MDN1: variants seen among roughly 807,000 people sequenced by gnomAD.
MDN1 encodes midasin.
MDN1 carries 266 observed loss-of-function variants against 669.2 expected under a neutral mutation model. The observed-to-expected ratio is 0.40, with a 90% CI of 0.36 to 0.44. The LOEUF is 0.44. Among genes scored for constraint, MDN1 ranks in the 20% least tolerant of loss-of-function variants. MDN1 has a pLI of 1.00. For synonymous variants in MDN1, 2,385 were observed against 2,457.1 expected (o/e 0.97, Z 0.87); for missense variants, 5,940 against 6,754.0 (o/e 0.88, Z 4.22).
intron 99 of MDN1, among the ~76,000 whole-genome samples, 168 bp from the exon 100 acceptor site, chr6:89,646,771 G>T (rs1384120962): frequency 6.6e-6 from 1 of 152,076 alleles, no homozygotes; most frequent in Non-Finnish European, 1.5e-5. Context: ...AAAAAAGGAG[G>T]ATCCTTGGAT....
chr6:89,756,681 G>C (rs970887998), intron 19 of MDN1, among the ~76,000 whole-genome samples: 9 of 152,190 alleles, frequency 5.9e-5, no homozygotes, highest in African/African-American at 2.2e-4. Context: ...CCAGCACTTT[G>C]GGAGGCCGAG....
At chr6:89,721,415 CGTGGATG>C (rs1814814639) in intron 40 of MDN1, among the ~76,000 whole-genome samples, 1 of 152,150 alleles carries the variant, frequency 6.6e-6, no homozygotes, top group African/African-American at 2.4e-5. Context: ...CGTTTTTATC[CGTGGATG>C]GCTTGCTTGG....
At position 89,677,643 on chromosome 6, in the gene MDN1, T is replaced by G; in HGVS notation, c.12466A>C (p.Met4156Leu). ...AWARSKNPQE[M>L]LHLHPLDLQS... Reference sequence around the variant, plus strand: ...AGATCTAATGGGTGAAGATGAAGCATCTCTTGAGGGTTTTTTGAACGGGCC... The same window carrying G: ...AGATCTAATGGGTGAAGATGAAGCAGCTCTTGAGGGTTTTTTGAACGGGCC... Residue 4156 changes from methionine to leucine, a missense_variant, in exon 76 of 102, where the codon ATG becomes CTG. By Grantham distance (15) the Met-to-Leu change is conservative. Around this residue, in one of 5 missense-constraint regions of MDN1, gnomAD observed 2,280 missense variants for 2,576.3 expected, o/e 0.88. Transcript: ENST00000369393. 6.2e-7 allele frequency: 1 copy of G among 1,614,076 alleles called. No homozygotes were observed.
chr6:89,678,638 G>A lies in MDN1; in HGVS notation c.12373C>T (p.Arg4125Ter), dbSNP rs1322121108. The A allele has an allele frequency of 1.2e-6, 2 of 1,613,988 alleles. No homozygotes were observed. The highest frequency in any genetic ancestry group is 1.3e-5 in the African/African-American group (1 of 74,934). The change falls in exon 75 of 102, where the codon CGA becomes TGA. Residue 4125 changes from arginine (R) to a stop codon, truncating the protein, a stop_gained. Transcript: ENST00000369393. LOFTEE classifies it high-confidence loss of function. The part of the protein sequence containing the change: ...EAKHILMQKQ[R>*]ALSDLFKHLA... ...TGTTTAAAGAGGTCTGACAAAGCTC[G>A]CTGTTTTTGCATGAGAATGTGCTTG... is the stretch of plus-strand genomic sequence containing the variant.
chr6:89,671,061 G>C lies in MDN1; in HGVS notation c.13814C>G (p.Ser4605Cys), dbSNP rs774717252. The change falls in exon 83 of 102, where the codon TCC becomes TGC. Residue 4605 changes from serine (S) to cysteine (C), a missense_variant. This residue lies in a region of MDN1 where 2,280 missense variants were observed against 2,576.3 expected (regional missense o/e 0.88). Coordinates refer to ENST00000369393, the MANE Select transcript of MDN1 (RefSeq NM_014611.3). The stretch of plus-strand genomic sequence containing the variant: ...GACCGGCACCAGGCGCACCAGCAAG[G>C]AACAGGATTGGCTGAAGAACTGAGA... ...AKHLFFSQSC[S>C]LLVRLVPVLS... 1 of 1,613,976 alleles carries C rather than the reference G, an allele frequency of 6.2e-7. No homozygotes were observed.
At chr6:89,704,414 T>C (rs1322211789) in intron 53 of MDN1, among the ~76,000 whole-genome samples, 2 of 152,230 alleles carry the variant, frequency 1.3e-5, no homozygotes, top group Admixed American at 6.5e-5. Context: ...GTTTGATGAC[T>C]TCCTGGTAAC....
At position 89,654,183 on chromosome 6, in the gene MDN1, C is replaced by T. The variant is rs767530706; in HGVS notation, c.15642G>A (p.Ser5214=). 31 of 1,614,058 alleles carry T rather than the reference C, an allele frequency of 1.9e-5. No individual in the cohort carries two copies. In the East Asian group the frequency reaches 2.0e-4, roughly 10 times the overall value. Residue 5214 remains serine, a synonymous_variant, in exon 93 of 102, where the codon TCG becomes TCA. Coordinates refer to ENST00000369393, the MANE Select transcript of MDN1 (RefSeq NM_014611.3). ...ACTCACCCAAGGGTGCTGTGGTGCCCGACTTGATTTCCTCTGGCTTCAGCT... is the reference window on the plus strand; with the variant it reads ...ACTCACCCAAGGGTGCTGTGGTGCCTGACTTGATTTCCTCTGGCTTCAGCT... ...VEQLKPEEIK[S]GTTAPLGFDE...
At chr6:89,667,478 C>A (rs1370996804) in intron 84 of MDN1, among the ~76,000 whole-genome samples, 1 of 152,124 alleles carries the variant, frequency 6.6e-6, no homozygotes, top group Non-Finnish European at 1.5e-5. Context: ...ACACCCAATA[C>A]ACATAAATCA....
At chr6:89,793,338 C>A (rs540691164) in intron 5 of MDN1, among the ~76,000 whole-genome samples, 76 of 152,280 alleles carry the variant, frequency 5.0e-4, no homozygotes, top group African/African-American at 1.8e-3. Context: ...GTTTTTGCAG[C>A]AAGCAAACAA....
intron 33 of MDN1, among the ~76,000 whole-genome samples, chr6:89,734,113 C>T (rs1404051120): frequency 6.6e-6 from 1 of 151,844 alleles, no homozygotes; most frequent in Non-Finnish European, 1.5e-5. Flanking sequence ...GGTGAAACCC[C>T]GTCTCTACTA....
At chr6:89,776,335 C>T (rs187526942) in intron 12 of MDN1, among the ~76,000 whole-genome samples, 1 of 152,238 alleles carries the variant, frequency 6.6e-6, no homozygotes, top group Admixed American at 6.5e-5. Context: ...GTGGCACATG[C>T]CTGTAATCCC....
chr6:89,723,139 T>A lies in MDN1; in HGVS notation c.5783A>T (p.Asp1928Val). The change falls in exon 40 of 102, where the codon GAT becomes GTT. Residue 1928 changes from aspartate to valine, a missense_variant. Asp to Val is a radical substitution (Grantham distance 152, BLOSUM62 -3). Coordinates refer to ENST00000369393, the MANE Select transcript of MDN1 (RefSeq NM_014611.3). ...KKMVAFNNQIDHEVTVEKKWG... is the reference protein window; with the variant it reads ...KKMVAFNNQIVHEVTVEKKWG... ...TTTCTTCTCAACAGTCACTTCATGA[T>A]CAATCTAGAAAGAAAACATCCTGAT... 1 of 1,613,902 alleles carries A rather than the reference T, an allele frequency of 6.2e-7. No individual in the cohort carries two copies. The highest frequency in any genetic ancestry group is 8.5e-7 in the Non-Finnish European group (1 of 1,179,878).
At chr6:89,815,203 G>C (rs1245895102) in intron 1 of MDN1, 4 of 385,914 alleles carry the variant, frequency 1.0e-5, no homozygotes, top group Non-Finnish European at 2.0e-5. Flanking sequence ...CGGCAGTGGA[G>C]GCGGGAGACT....
At chr6:89,661,911 C>A (rs1809795550) in intron 87 of MDN1, among the ~76,000 whole-genome samples, 176 bp downstream of exon 87, 1 of 152,144 alleles carries the variant, frequency 6.6e-6, no homozygotes, top group Admixed American at 6.6e-5. Context: ...TGTCAGGAAC[C>A]AACAGTTATA....
rs747059677 is a variant in MDN1, at chr6:89,696,413, G to A, written c.9330C>T (p.Asp3110=). 3.1e-6 allele frequency: 5 copies of A among 1,614,164 alleles called. No individual in the cohort carries two copies. In the East Asian group the frequency reaches 6.7e-5, roughly 22 times the overall value. The change falls in exon 60 of 102, where the codon GAC becomes GAT. Residue 3110 remains aspartate (D), a synonymous_variant. Transcript: ENST00000369393. ...TGTTAGTCCAAAGCATCGAACTGAT[G>A]TCCTGGAGCTGCTGAGTTCTCTCAA... is the stretch of plus-strand genomic sequence containing the variant. ...EWVERTQQLQ[D]ISSMLWTNMA...
At chr6:89,776,403 G>A (rs1229041197) in intron 12 of MDN1, among the ~76,000 whole-genome samples, 197 bp downstream of exon 12, 4 of 152,182 alleles carry the variant, frequency 2.6e-5, no homozygotes, top group Non-Finnish European at 1.5e-5. Flanking sequence ...AGAGGTTGTG[G>A]TGAGCCGAGA....
chr6:89,758,044 T>C (rs1182735246), intron 19 of MDN1, among the ~76,000 whole-genome samples: 1 of 151,886 alleles, frequency 6.6e-6, no homozygotes, highest in Admixed American at 6.6e-5. Flanking sequence ...CAAGACTCTG[T>C]CTCAGAAAAA....
chr6:89,813,120 A>G (rs1414717008), intron 1 of MDN1, among the ~76,000 whole-genome samples: 1 of 152,164 alleles, frequency 6.6e-6, no homozygotes, highest in Non-Finnish European at 1.5e-5. Flanking sequence ...TCGTATCTTT[A>G]GTAGAGAAGG....
intron 1 of MDN1, among the ~76,000 whole-genome samples, chr6:89,804,220 A>T (rs1275600818): frequency 6.6e-6 from 1 of 152,084 alleles, no homozygotes; most frequent in Non-Finnish European, 1.5e-5. Context: ...CAAAATATTT[A>T]TGTAAATAAT....
Sources: allele counts gnomAD v4.1 joint callset (sites outside exome capture counted in the v4.1 genomes callset), GRCh38; gene constraint gnomAD v4.1.1; regional missense constraint gnomAD v4.1.1; transcripts MANE v1.5; gene names NCBI Gene and HGNC (gene_info 2026-07-23, HGNC 2026-07-21).